ARID3A: variants seen among roughly 807,000 people sequenced by gnomAD.
ARID3A encodes the protein AT-rich interactive domain-containing protein 3A.
In ARID3A, 11 loss-of-function variants were observed where a neutral mutation model predicts 52.7. The observed-to-expected ratio is 0.21, with a 90% CI of 0.13 to 0.35. The LOEUF (loss-of-function observed/expected upper bound fraction) is 0.35, where lower values mean the gene tolerates loss of function less well. Ranked by LOEUF, ARID3A falls within the 10% of genes least tolerant of loss-of-function variation. The pLI, the probability that ARID3A is intolerant of heterozygous loss-of-function variation, is 1.00. For synonymous variants in ARID3A, 404 were observed against 359.4 expected (o/e 1.12, Z -1.40); for missense variants, 721 against 838.5 (o/e 0.86, Z 1.73).
At position 966,561 on chromosome 19, in the gene ARID3A, T is replaced by G. The variant is rs1369340588; in HGVS notation, c.1199-11T>G. On this transcript the variant is annotated splice_polypyrimidine_tract_variant and intron_variant, in intron 6 of 8. Coordinates refer to ENST00000263620, the MANE Select transcript of ARID3A (RefSeq NM_005224.3). ...CCTCCTGGCCACCAATTCCCCTTTT[T>G]TCCTACCTAGAGGAGGACTCAGCCA... The G allele has an allele frequency of 6.6e-7, 1 of 1,514,452 alleles. No individual in the cohort carries two copies. The highest frequency in any genetic ancestry group is 1.4e-5 in the African/African-American group (1 of 71,824). The allele number at this position is 1,514,452 out of a possible 1,614,324, so 93.8% of individuals were successfully genotyped here. A position where few individuals can be genotyped will look rare whatever the true frequency, so the allele number is the denominator to read the frequency against.
At position 941,492 on chromosome 19, in the gene ARID3A, G is replaced by A. The variant is rs1346034062; in HGVS notation, c.693+8750G>A. ...GTGTTCGTTTAGGTCTCTGTGTGCCGAGTGACGTGGCAAACTTCCCACGTC... is the reference window on the plus strand; with the variant it reads ...GTGTTCGTTTAGGTCTCTGTGTGCCAAGTGACGTGGCAAACTTCCCACGTC... On this transcript the variant is annotated intron_variant, in intron 3 of 8. Coordinates refer to ENST00000263620, the MANE Select transcript of ARID3A (RefSeq NM_005224.3). The surrounding 1 kb of genome is among the most constrained non-coding windows in gnomAD (Gnocchi z 6.9). 3.3e-5 allele frequency among the ~76,000 whole-genome samples: 5 copies of A among 152,214 alleles called. No homozygotes were observed. The highest frequency in any genetic ancestry group is 1.9e-4 in the East Asian group (1 of 5,196).
chr19:965,101 T>G, intron 6 of ARID3A, 21 bp downstream of exon 6: 1 of 1,582,172 alleles, frequency 6.3e-7, no homozygotes, highest in South Asian at 1.1e-5. Context: ...GTATGGGGCC[T>G]GGGGCGTGTT....
chr19:939,920 CA>C (rs1281810333), intron 3 of ARID3A, among the ~76,000 whole-genome samples: 2 of 152,138 alleles, frequency 1.3e-5, no homozygotes, highest in Non-Finnish European at 1.5e-5. Flanking sequence ...CGGAGACCCC[CA>C]GACTGGTGGG....
rs967329409 is a variant in ARID3A at position 972,825 on chromosome 19, A to C, written c.*760A>C. On this transcript the variant is annotated 3_prime_UTR_variant, in exon 9 of 9. Coordinates refer to ENST00000263620, the MANE Select transcript of ARID3A (RefSeq NM_005224.3). ...GCAAAAAAAAAAAAAAAAAAAAAAA[A>C]AAAAAACTCACCTTTTTATTTTTCC... is the stretch of plus-strand genomic sequence containing the variant. 2.7e-5 allele frequency: 5 copies of C among 184,124 alleles called. No individual in the cohort carries two copies. Among genetic ancestry groups the C allele is most frequent in the Non-Finnish European group, 4.5e-5 (4 of 89,216 alleles). 11.4% of individuals were successfully genotyped at this position (184,124 alleles called of 1,614,324 possible).
rs1425051221 is a variant in ARID3A, at chr19:941,299, G to A, written c.693+8557G>A. On this transcript the variant is annotated intron_variant, in intron 3 of 8. Transcript: ENST00000263620. The surrounding 1 kb of genome is among the most constrained non-coding windows in gnomAD (Gnocchi z 6.9). Reference sequence around the variant, plus strand: ...GGCGGCTCGTGGGTCCTGTCTCGTGGGACCCTGCCTGGGAGGGAATCTTGC... The same window carrying A: ...GGCGGCTCGTGGGTCCTGTCTCGTGAGACCCTGCCTGGGAGGGAATCTTGC... 2.0e-5 allele frequency among the ~76,000 whole-genome samples: 3 copies of A among 152,228 alleles called. No individual in the cohort carries two copies. The highest frequency in any genetic ancestry group is 4.4e-5 in the Non-Finnish European group (3 of 68,036).
rs1433004905 is a variant in ARID3A at position 932,650 on chromosome 19, G to C, written c.601G>C (p.Gly201Arg). Residue 201 changes from glycine (G) to arginine (R), a missense_variant, in exon 3 of 9, where the codon GGC becomes CGC. Gly to Arg is a moderately radical substitution (Grantham distance 125). Coordinates refer to ENST00000263620, the MANE Select transcript of ARID3A (RefSeq NM_005224.3). Reference sequence around the variant, plus strand: ...GGGGGGCCAGGAGCGGCCGGGGCCTGGCCCTGCCCACCCCGGAGGGGCCGC... The same window carrying C: ...GGGGGGCCAGGAGCGGCCGGGGCCTCGCCCTGCCCACCCCGGAGGGGCCGC... ...VLGGQERPGP[G>R]PAHPGGAAHV... 6.5e-7 allele frequency: 1 copy of C among 1,542,766 alleles called. No individual in the cohort carries two copies. The highest frequency in any genetic ancestry group is 1.4e-5 in the African/African-American group (1 of 72,400).
chr19:967,991 G>A (rs2038195187), intron 7 of ARID3A, among the ~76,000 whole-genome samples: 1 of 149,558 alleles, frequency 6.7e-6, no homozygotes, highest in Non-Finnish European at 1.5e-5. Context: ...GTTGCAGTGA[G>A]CCGAGATCGC....
chr19:965,352 A>C, intron 6 of ARID3A: 1 of 431,332 alleles, frequency 2.3e-6, no homozygotes, highest in Non-Finnish European at 4.2e-6. Flanking sequence ...CTAATTGATC[A>C]CTGTTTTTCC....
At chr19:953,743 C>A (rs1219861233) in intron 3 of ARID3A, among the ~76,000 whole-genome samples, 1 of 151,618 alleles carries the variant, frequency 6.6e-6, no homozygotes. Flanking sequence ...AACAGCGCCG[C>A]GGAGGCCCTG....
intron 3 of ARID3A, among the ~76,000 whole-genome samples, chr19:939,779 C>A (rs1396706177): frequency 2.0e-5 from 3 of 152,148 alleles, no homozygotes; most frequent in Admixed American, 1.3e-4. Flanking sequence ...GGTCATTTCC[C>A]TGTTGTAAGC....
At chr19:943,539 G>C (rs2145393289) in intron 3 of ARID3A, among the ~76,000 whole-genome samples, 1 of 152,080 alleles carries the variant, frequency 6.6e-6, no homozygotes, top group South Asian at 2.1e-4. Context: ...CTACACTCCA[G>C]CCTGGGTGAC....
At chr19:968,589 C>G in intron 8 of ARID3A, 86 bp downstream of exon 8, 2 of 1,289,014 alleles carry the variant, frequency 1.6e-6, no homozygotes, top group Non-Finnish European at 2.2e-6. Flanking sequence ...CTGGTCCCAC[C>G]TGCTTGAACC....
chr19:943,749 A>G (rs2037609158), intron 3 of ARID3A, among the ~76,000 whole-genome samples: 1 of 152,196 alleles, frequency 6.6e-6, no homozygotes, highest in Admixed American at 6.5e-5. Flanking sequence ...CTGATGTCAG[A>G]CTTGTGGAGA....
Position 932,624 on chromosome 19 carries a change from TG to T in ARID3A, c.581del (p.Gly194AlafsTer18). 1 of 1,533,656 alleles carries T rather than the reference TG, an allele frequency of 6.5e-7. No individual in the cohort carries two copies. On this transcript the variant is annotated frameshift_variant, in exon 3 of 9. Transcript: ENST00000263620. LOFTEE classifies it high-confidence loss of function. ...AFRGDGVPRVLGGQERPGPGP... is the reference protein window; with the variant it reads ...AFRGDGVPRVXGGQERPGPGP... ...CGCGGCGATGGCGTTCCCAGGGTGC[TG>T]GGGGGCCAGGAGCGGCCGGGGCCTG... is the stretch of plus-strand genomic sequence containing the variant.
Position 964,242 on chromosome 19 carries a change from C to T in ARID3A, c.767-6C>T. 6.2e-7 allele frequency: 1 copy of T among 1,607,382 alleles called. No homozygotes were observed. Among genetic ancestry groups the T allele is most frequent in the Non-Finnish European group, 8.5e-7 (1 of 1,174,998 alleles). ...CCCCCAACCTCCCTCTCGCCCCTTCCCCCAGGGACACCTGTGAACCGCATC... is the reference window on the plus strand; with the variant it reads ...CCCCCAACCTCCCTCTCGCCCCTTCTCCCAGGGACACCTGTGAACCGCATC... On this transcript the variant is annotated splice_polypyrimidine_tract_variant and splice_region_variant and intron_variant, in intron 4 of 8. Transcript: ENST00000263620. This position sits in a 1 kb window ranked among gnomAD's most constrained non-coding sequence, Gnocchi z 5.7.
Position 947,472 on chromosome 19 carries a change from G to A in ARID3A, c.694-12620G>A, listed in dbSNP as rs1010784446. 6.6e-6 allele frequency among the ~76,000 whole-genome samples: 1 copy of A among 152,164 alleles called. No individual in the cohort carries two copies. The highest frequency in any genetic ancestry group is 2.4e-5 in the African/African-American group (1 of 41,436). Reference sequence around the variant, plus strand: ...CCTCAGTTTCCCCAACTGTGAAACGGGCTGGCGGCCGGTCAGCGTCTCCTC... The same window carrying A: ...CCTCAGTTTCCCCAACTGTGAAACGAGCTGGCGGCCGGTCAGCGTCTCCTC... On this transcript the variant is annotated intron_variant, in intron 3 of 8. Coordinates refer to ENST00000263620, the MANE Select transcript of ARID3A (RefSeq NM_005224.3). This position sits in a 1 kb window ranked among gnomAD's most constrained non-coding sequence, Gnocchi z 6.3.
Position 959,478 on chromosome 19 carries a change from T to C in ARID3A, c.694-614T>C, listed in dbSNP as rs532283981. Among the ~76,000 whole-genome samples the C allele has an allele frequency of 3.9e-5, 6 of 152,254 alleles. No homozygotes were observed. In the East Asian group the frequency reaches 7.7e-4, roughly 20 times the overall value. On this transcript the variant is annotated intron_variant, in intron 3 of 8. Coordinates refer to ENST00000263620, the MANE Select transcript of ARID3A (RefSeq NM_005224.3). The surrounding 1 kb of genome is among the most constrained non-coding windows in gnomAD (Gnocchi z 5.0). Reference sequence around the variant, plus strand: ...ATAATGTAGAGATGGGGTCTCACTATGTTGCCCAGGCTGGTCTTGAATTCC... The same window carrying C: ...ATAATGTAGAGATGGGGTCTCACTACGTTGCCCAGGCTGGTCTTGAATTCC...
At chr19:966,981 G>A (rs1452035169) in intron 7 of ARID3A, 113 bp downstream of exon 7, 23 of 1,295,466 alleles carry the variant, frequency 1.8e-5, no homozygotes, top group Non-Finnish European at 2.1e-5. Context: ...AAAAAAGCCG[G>A]GTGCAGTGGC....
rs2038325480 is a variant in ARID3A, at chr19:973,564, A to G, written c.*1499A>G. 4.5e-6 allele frequency: 1 copy of G among 224,696 alleles called. No individual in the cohort carries two copies. The allele number at this position is 224,696 out of a possible 1,614,324, so 13.9% of individuals were successfully genotyped here. ...CTCTTGCCCGAAAGGGCTGCTTTTG[A>G]GGACTATCAATACTGGGGAGTGGGG... On this transcript the variant is annotated 3_prime_UTR_variant, in exon 9 of 9. Coordinates refer to ENST00000263620, the MANE Select transcript of ARID3A (RefSeq NM_005224.3).
Sources: allele counts gnomAD v4.1 joint callset (sites outside exome capture counted in the v4.1 genomes callset), GRCh38; gene constraint gnomAD v4.1.1; non-coding constraint Gnocchi (gnomAD v3.1); transcripts MANE v1.5; gene names NCBI Gene and HGNC (gene_info 2026-07-23, HGNC 2026-07-21).